NBPF20: variants seen among roughly 807,000 people sequenced by gnomAD.
NBPF20 encodes NBPF member 20, also known as NBPF family member NBPF20.
Under a neutral mutation model 68.1 loss-of-function variants are expected in NBPF20, and 90 were observed. The ratio of observed to expected loss-of-function variants is 1.32; its 90% CI spans 1.11 to 1.58. The LOEUF is 1.58. Ranked by LOEUF, NBPF20 falls within the 40% of genes most tolerant of loss-of-function variation. NBPF20 has a pLI of 0.00. For missense variants in NBPF20, 816 were observed against 601.2 expected, an observed-to-expected ratio of 1.36 and a Z score of -3.74; for synonymous variants, 290 against 228.1, an observed-to-expected ratio of 1.27 and a Z score of -2.45.
At chr1:145,393,354 C>A in intron 9 of NBPF20, 108 bp from the exon 15 acceptor site, 1 of 705,292 alleles carries the variant, frequency 1.4e-6, no homozygotes, top group Non-Finnish European at 2.6e-6. Flanking sequence ...AGAAAAAGGA[C>A]AGATCCATTA....
At position 145,402,382 on chromosome 1, in the gene NBPF20, C is replaced by T. The variant is rs1662565005; in HGVS notation, c.279-1G>A. The T allele has an allele frequency of 3.7e-6, 6 of 1,603,086 alleles. No individual in the cohort carries two copies. Among genetic ancestry groups the T allele is most frequent in the Non-Finnish European group, 5.1e-6 (6 of 1,171,794 alleles). On this transcript the variant is annotated splice_acceptor_variant, in intron 3 of 137. Coordinates refer to ENST00000369373, the Ensembl canonical transcript of NBPF20. LOFTEE classifies it high-confidence loss of function. The stretch of plus-strand genomic sequence containing the variant: ...AGCGTGAACCAGGACTTTATATTGC[C>T]TAAGGTGAGACGGTAGAGAAAATTT...
chr1:145,292,161 C>G (rs1279325711), intron 137 of NBPF20, among the ~76,000 whole-genome samples: 1 of 149,852 alleles, frequency 6.7e-6, no homozygotes, highest in African/African-American at 2.6e-5. Context: ...CATGAGAGTA[C>G]AGCTTTTGAA....
At chr1:145,404,944 T>C (rs1662698890) in intron 2 of NBPF20, among the ~76,000 whole-genome samples, 154 bp downstream of exon 7, 1 of 152,178 alleles carries the variant, frequency 6.6e-6, no homozygotes, top group South Asian at 2.1e-4. Context: ...CTTTGGTACC[T>C]CTGTCTTCCA....
chr1:145,291,430 C>A, exon 138 of NBPF20: 4 of 1,609,844 alleles, frequency 2.5e-6, no homozygotes, highest in South Asian at 1.1e-5. Flanking sequence ...CATCCTATGT[C>A]TGGGCTTCCA....
At chr1:145,412,240 G>A in the NBPF20 span, among the ~76,000 whole-genome samples, 1 of 151,928 alleles carries the variant, frequency 6.6e-6, no homozygotes, top group Non-Finnish European at 1.5e-5. Context: ...CTGTGACTCT[G>A]GTTTCTTTTC....
In NBPF20 at chr1:145,394,893, C is replaced by G. The variant is rs1471098786; in HGVS notation, c.991+85G>C. 10 of 1,377,730 alleles carry G rather than the reference C, an allele frequency of 7.3e-6. No homozygotes were observed. In the African/African-American group the frequency reaches 1.1e-4, roughly 16 times the overall value. The allele number at this position is 1,377,730 out of a possible 1,614,324, so 85.3% of individuals were successfully genotyped here. A position where few individuals can be genotyped will look rare whatever the true frequency, so the allele number is the denominator to read the frequency against. On this transcript the variant is annotated intron_variant, in intron 8 of 137. Transcript: ENST00000369373. ...CCCACGGTGATGGCAAATCTCAGCC[C>G]AACAAGGGGCACAAGGCCCAAAGAT...
intron 129 of NBPF20, among the ~76,000 whole-genome samples, 197 bp from the exon 135 acceptor site, chr1:145,298,331 GACACACACAC>G (rs1347470195): frequency 5.1e-5 from 7 of 136,754 alleles, no homozygotes; most frequent in African/African-American, 2.3e-4. Flanking sequence ...AAGACAGATA[GACACACACAC>G]ACACACACAC....
At chr1:145,400,858 G>C (rs1233476403) in intron 5 of NBPF20, among the ~76,000 whole-genome samples, 1 of 151,834 alleles carries the variant, frequency 6.6e-6, no homozygotes, top group Non-Finnish European at 1.5e-5. Flanking sequence ...AGCTATCCCT[G>C]TACGGTGCAG....
upstream of NBPF20, among the ~76,000 whole-genome samples, chr1:145,409,408 G>A (rs1245828511): frequency 8.0e-5 from 12 of 150,186 alleles, no homozygotes; most frequent in African/African-American, 2.9e-4. Flanking sequence ...TACCGACTGA[G>A]TGGTTCAATT....
intron 2 of NBPF20, among the ~76,000 whole-genome samples, chr1:145,403,788 A>G (rs1323059193): frequency 1.3e-5 from 2 of 151,748 alleles, no homozygotes. Context: ...TTTGATTTTT[A>G]AATCATATCT....
chr1:145,403,379 C>T (rs1237529104), intron 2 of NBPF20, 61 bp from the exon 8 acceptor site: 11 of 1,368,586 alleles, frequency 8.0e-6, no homozygotes, highest in Non-Finnish European at 1.1e-5. Flanking sequence ...GTGGTCATTG[C>T]CTACAGGGCA....
In NBPF20 at chr1:145,291,695, G is replaced by C. The variant is rs782075492; in HGVS notation, c.16772C>G (p.Pro5591Arg). The C allele has an allele frequency of 3.7e-6, 6 of 1,611,780 alleles. No homozygotes were observed. The African/African-American group carries it at 8.0e-5, about 22-fold the overall frequency. The change falls in exon 138 of 138, where the codon CCG becomes CGG. Residue 5591 changes from proline (P) to arginine (R), a missense_variant. Pro to Arg is a moderately radical substitution (Grantham distance 103). Transcript: ENST00000369373. ...GTCAGGTAGTTCAAAGTACATTGAC[G>C]GAGTAGAATAACATCCATCCAGTGA...
rs782113865 is a variant in NBPF20, at chr1:145,292,400, G to A, written c.16678C>T (p.Gln5560Ter). The change falls in exon 137 of 138, where the codon CAA becomes TAA. Residue 5560 changes from glutamine (Q) to a stop codon, truncating the protein, a stop_gained. Coordinates refer to ENST00000369373, the Ensembl canonical transcript of NBPF20. LOFTEE classifies it high-confidence loss of function. ...AGTCACCTGGGGCATGGTGGGTTTT[G>A]ATCTTCTTCCCCTTCTTTTCTTCCC... 4 of 685,658 alleles carry A rather than the reference G, an allele frequency of 5.8e-6. No homozygotes were observed. Among genetic ancestry groups the A allele is most frequent in the Non-Finnish European group, 1.0e-5 (4 of 386,310 alleles). The allele number at this position is 685,658 out of a possible 1,614,324, so 42.5% of individuals were successfully genotyped here. A position where few individuals can be genotyped will look rare whatever the true frequency, so the allele number is the denominator to read the frequency against.
upstream of NBPF20, among the ~76,000 whole-genome samples, chr1:145,407,429 G>GTA (rs587757803): frequency 2.1e-3 from 296 of 141,076 alleles, 4 homozygotes; most frequent in East Asian, 0.021. Flanking sequence ...ATGTATACAC[G>GTA]TATACATGTA....
chr1:145,291,986 G>A (rs1243151069), intron 137 of NBPF20, among the ~76,000 whole-genome samples: 2 of 148,662 alleles, frequency 1.3e-5, no homozygotes, highest in East Asian at 3.9e-4. Flanking sequence ...GACAGAGACA[G>A]AGAGAGAGAG....
At chr1:145,366,607 C>CAGAG (rs1296300955) in intron 43 of NBPF20, among the ~76,000 whole-genome samples, 68 of 84,656 alleles carry the variant, frequency 8.0e-4, no homozygotes, top group East Asian at 4.2e-3. Flanking sequence ...CACACACACA[C>CAGAG]AGAGAGAACG....
At chr1:145,306,413 C>G (rs1661413574) in intron 119 of NBPF20, among the ~76,000 whole-genome samples, 1 of 132,650 alleles carries the variant, frequency 7.5e-6, no homozygotes, top group Non-Finnish European at 1.6e-5. Context: ...ACACAGCATA[C>G]AGGGATCATG....
chr1:145,395,023 G>A (rs1479823289), exon 8 of NBPF20: 3 of 1,611,424 alleles, frequency 1.9e-6, no homozygotes, highest in African/African-American at 2.7e-5. Flanking sequence ...TCTAATGAGT[G>A]AAATGTGCTG....
At chr1:145,425,017 G>T in the NBPF20 span, among the ~76,000 whole-genome samples, 4 of 152,288 alleles carry the variant, frequency 2.6e-5, no homozygotes, top group South Asian at 2.1e-4. Context: ...CTGGCCTCGA[G>T]GGTGGGGTGC....
Sources: allele counts gnomAD v4.1 joint callset (sites outside exome capture counted in the v4.1 genomes callset), GRCh38; gene constraint gnomAD v4.1.1; transcripts MANE v1.5; gene names NCBI Gene and HGNC (gene_info 2026-07-23, HGNC 2026-07-21).